XKR3: variants seen among roughly 807,000 people sequenced by gnomAD.
XKR3 encodes XK related 3.
Under a neutral mutation model 40.3 loss-of-function variants are expected in XKR3, and 27 were observed. The ratio of observed to expected loss-of-function variants is 0.67; its 90% CI spans 0.49 to 0.92. XKR3 has a LOEUF of 0.92. Among genes scored for constraint, XKR3 ranks in the 40% least tolerant of loss-of-function variants. The pLI, the probability that XKR3 is intolerant of heterozygous loss-of-function variation, is 0.00. For missense variants in XKR3, 472 were observed against 537.6 expected (o/e 0.88, Z 1.21); for synonymous variants, 193 against 195.4 (o/e 0.99, Z 0.10).
intron 2 of XKR3, among the ~76,000 whole-genome samples, chr22:16,807,529 C>A (rs1264713044): frequency 6.6e-6 from 1 of 152,152 alleles, no homozygotes; most frequent in Non-Finnish European, 1.5e-5. Context: ...GACTCATTCC[C>A]ATTTGCATTT....
At chr22:16,797,518 C>T (rs1006598286) in intron 3 of XKR3, among the ~76,000 whole-genome samples, 12 of 152,118 alleles carry the variant, frequency 7.9e-5, no homozygotes, top group Admixed American at 1.3e-4. Context: ...AGTGGCCAGG[C>T]GCAGTGGCTC....
Position 16,784,176 on chromosome 22 carries a change from A to G in XKR3, c.823T>C (p.Ser275Pro), listed in dbSNP as rs1160267281. ...LPVLLIIYFV[S>P]LLAPWLEFWK... ...AACTCCAGCCACGGTGCCAACAATG[A>G]TACAAAATATATGATTAACAAAACG... is the stretch of plus-strand genomic sequence containing the variant. Residue 275 changes from serine to proline, a missense_variant, in exon 4 of 4, where the codon TCA becomes CCA. By Grantham distance (74) the Ser-to-Pro change is moderately conservative. Coordinates refer to ENST00000684488, the MANE Select transcript of XKR3 (RefSeq NM_001386955.1). 3.7e-6 allele frequency: 6 copies of G among 1,614,118 alleles called. No individual in the cohort carries two copies. The African/African-American group carries it at 8.0e-5, about 22-fold the overall frequency.
At chr22:16,822,137 T>G (rs997753426) in intron 1 of XKR3, among the ~76,000 whole-genome samples, 1 of 152,134 alleles carries the variant, frequency 6.6e-6, no homozygotes, top group African/African-American at 2.4e-5. Flanking sequence ...ATCAAATCTT[T>G]GAAAAATGCA....
At position 16,784,415 on chromosome 22, in the gene XKR3, A is replaced by G. The variant is rs1569034285; in HGVS notation, c.590-6T>C. The stretch of plus-strand genomic sequence containing the variant: ...GGAAAATGTCATCAGCAATGCTATT[A>G]AAGACAAACATGAAAATGTTAGAGA... On this transcript the variant is annotated splice_polypyrimidine_tract_variant and splice_region_variant and intron_variant, in intron 3 of 3. Coordinates refer to ENST00000684488, the MANE Select transcript of XKR3 (RefSeq NM_001386955.1). The G allele has an allele frequency of 1.3e-6, 2 of 1,567,780 alleles. No individual in the cohort carries two copies. Among genetic ancestry groups the G allele is most frequent in the Non-Finnish European group, 1.7e-6 (2 of 1,161,126 alleles).
chr22:16,793,306 CT>C (rs1388833803), intron 3 of XKR3, among the ~76,000 whole-genome samples: 2 of 152,368 alleles, frequency 1.3e-5, no homozygotes, highest in Non-Finnish European at 2.9e-5. Context: ...GCCACTGCCC[CT>C]GGCCCTCGTG....
intron 3 of XKR3, among the ~76,000 whole-genome samples, chr22:16,785,028 G>A (rs1360147790): frequency 6.6e-6 from 1 of 152,160 alleles, no homozygotes; most frequent in African/African-American, 2.4e-5. Flanking sequence ...AAATTAAGAA[G>A]TATGTGTGGC....
At chr22:16,807,611 T>C in intron 2 of XKR3, 128 bp downstream of exon 2, 1 of 904,918 alleles carries the variant, frequency 1.1e-6, no homozygotes, top group Non-Finnish European at 1.6e-6. Context: ...GAAAACTAAA[T>C]AAATCTAAAG....
At chr22:16,811,068 C>A (rs773177254) in intron 1 of XKR3, among the ~76,000 whole-genome samples, 2 of 151,278 alleles carry the variant, frequency 1.3e-5, no homozygotes, top group Non-Finnish European at 2.9e-5. Context: ...GAAAACAATA[C>A]GTGATATATT....
Position 16,799,776 on chromosome 22 carries a change from T to C in XKR3, c.584A>G (p.Asn195Ser). Residue 195 changes from asparagine to serine, a missense_variant, in exon 3 of 4, where the codon AAT becomes AGT. Asn to Ser is a conservative substitution (Grantham distance 46, BLOSUM62 1). Transcript: ENST00000684488. ...ISLTIREWPL[N>S]RALLMTFSLL... ...CATCAAGTAACTCAACTTACCTCTA[T>C]TCAAAGGCCATTCTCGTATAGTGAG... 1.2e-6 allele frequency: 2 copies of C among 1,614,014 alleles called. No individual in the cohort carries two copies. Among genetic ancestry groups the C allele is most frequent in the Non-Finnish European group, 8.5e-7 (1 of 1,179,992 alleles).
chr22:16,800,613 C>T (rs2060164901), intron 2 of XKR3, among the ~76,000 whole-genome samples: 1 of 152,156 alleles, frequency 6.6e-6, no homozygotes, highest in South Asian at 2.1e-4. Flanking sequence ...ATGCTTAAAA[C>T]AGCCACAGGT....
chr22:16,804,489 T>C (rs2060181881), intron 2 of XKR3, among the ~76,000 whole-genome samples: 1 of 152,214 alleles, frequency 6.6e-6, no homozygotes. Flanking sequence ...GGAATCTCTA[T>C]TAATTTCCCC....
chr22:16,811,641 T>A (rs1280335386), intron 1 of XKR3, among the ~76,000 whole-genome samples: 1 of 152,228 alleles, frequency 6.6e-6, no homozygotes, highest in Non-Finnish European at 1.5e-5. Flanking sequence ...ACGTGTACGC[T>A]GAACAATTTA....
At chr22:16,787,712 T>C (rs2060096572) in intron 3 of XKR3, among the ~76,000 whole-genome samples, 1 of 151,886 alleles carries the variant, frequency 6.6e-6, no homozygotes, top group East Asian at 1.9e-4. Context: ...TAAATCCAAA[T>C]AATATCGCCA....
Position 16,784,064 on chromosome 22 carries a change from A to T in XKR3, c.935T>A (p.Leu312Gln). Reference sequence around the variant, plus strand: ...GGAGAAGTTGATGGCAGCATATAGCAGTGTGATCAAGAAAAGCATCAGTAC... The same window carrying T: ...GGAGAAGTTGATGGCAGCATATAGCTGTGTGATCAAGAAAAGCATCAGTAC... ...GTVLMLFLIT[L>Q]LYAAINFSCW... The change falls in exon 4 of 4, where the codon CTG becomes CAG. Residue 312 changes from leucine to glutamine, a missense_variant. By Grantham distance (113) the Leu-to-Gln change is moderately radical. Transcript: ENST00000684488. 1 of 1,614,228 alleles carries T rather than the reference A, an allele frequency of 6.2e-7. No individual in the cohort carries two copies.
intron 1 of XKR3, among the ~76,000 whole-genome samples, chr22:16,817,947 G>T (rs944704893): frequency 2.6e-5 from 4 of 151,932 alleles, no homozygotes; most frequent in African/African-American, 9.7e-5. Flanking sequence ...ACATATTTTT[G>T]ATAATATTTT....
chr22:16,818,777 C>G (rs2060243979), intron 1 of XKR3, among the ~76,000 whole-genome samples: 1 of 152,066 alleles, frequency 6.6e-6, no homozygotes, highest in Non-Finnish European at 1.5e-5. Context: ...AGTCCAATAG[C>G]AAGCTGAGCA....
chr22:16,800,911 G>A (rs538972979), intron 2 of XKR3, among the ~76,000 whole-genome samples: 1 of 151,992 alleles, frequency 6.6e-6, no homozygotes, highest in Non-Finnish European at 1.5e-5. Flanking sequence ...GTATTAAAAA[G>A]AACCAACAGA....
intron 3 of XKR3, among the ~76,000 whole-genome samples, chr22:16,797,742 G>A (rs998455416): frequency 4.0e-4 from 59 of 148,410 alleles, no homozygotes; most frequent in African/African-American, 1.3e-3. Context: ...GCAGTGAGCC[G>A]AGATTGCACC....
rs199609060 is a variant in XKR3, at chr22:16,807,845, C to T, written c.229G>A (p.Gly77Arg). 6.2e-7 allele frequency: 1 copy of T among 1,613,938 alleles called. No individual in the cohort carries two copies. The highest frequency in any genetic ancestry group is 8.5e-7 in the Non-Finnish European group (1 of 1,179,898). The stretch of plus-strand genomic sequence containing the variant: ...AGGATAATTTGATCCAAAATTGCCC[C>T]CACAATAATAAAGCTGATGGTAAAT... Reference protein sequence around the residue: ...MSFTISFIIVGAILDQIILMF... With the variant: ...MSFTISFIIVRAILDQIILMF... The change falls in exon 2 of 4, where the codon GGG becomes AGG. Residue 77 changes from glycine (G) to arginine (R), a missense_variant. By Grantham distance (125) the Gly-to-Arg change is moderately radical (BLOSUM62 -2). Coordinates refer to ENST00000684488, the MANE Select transcript of XKR3 (RefSeq NM_001386955.1).
Sources: allele counts gnomAD v4.1 joint callset (sites outside exome capture counted in the v4.1 genomes callset), GRCh38; gene constraint gnomAD v4.1.1; transcripts MANE v1.5; gene names NCBI Gene and HGNC (gene_info 2026-07-23, HGNC 2026-07-21).